NTRK2: variants seen among roughly 807,000 people sequenced by gnomAD.
The protein encoded by NTRK2 is BDNF/NT-3 growth factors receptor.
A neutral mutation model predicts 94.5 loss-of-function variants in NTRK2; 13 were observed. That is an observed-to-expected ratio of 0.14 (90% CI 0.09 to 0.22). The LOEUF is 0.22. NTRK2 is among the 10% of genes least tolerant of loss of function. The pLI, the probability that NTRK2 is intolerant of heterozygous loss-of-function variation, is 1.00. For missense variants in NTRK2, 639 were observed against 1,071.2 expected (o/e 0.60, Z 5.63); for synonymous variants, 372 against 407.4 (o/e 0.91, Z 1.05).
In NTRK2 at chr9:84,699,795, A is replaced by G. The variant is rs929769334; in HGVS notation, c.213-2364A>G. On this transcript the variant is annotated intron_variant, in intron 2 of 18. Transcript: ENST00000277120. ...TTTTTTTCCCACATAGTTTTGTGCA[A>G]TCCATTGACATCTCTACCCCTGTCT... Among the ~76,000 whole-genome samples the G allele has an allele frequency of 6.7e-4, 101 of 151,338 alleles. 1 individual carries two copies. The highest frequency in any genetic ancestry group is 2.4e-3 in the African/African-American group (99 of 41,080).
intron 17 of NTRK2, among the ~76,000 whole-genome samples, chr9:85,000,454 G>A (rs192505666): frequency 1.3e-4 from 19 of 151,994 alleles, no homozygotes; most frequent in East Asian, 7.7e-4. Flanking sequence ...TGTCTCCGTC[G>A]TTCTGGCTTT....
At chr9:84,820,690 G>A (rs35346634) in intron 12 of NTRK2, among the ~76,000 whole-genome samples, 1,922 of 152,146 alleles carry the variant, frequency 0.013, 31 homozygotes, top group Non-Finnish European at 0.022. Context: ...GTGTATAAGC[G>A]GACCTAAGCA....
chr9:84,940,911 C>T (rs183804953), intron 15 of NTRK2, among the ~76,000 whole-genome samples: 1 of 152,250 alleles, frequency 6.6e-6, no homozygotes, highest in African/African-American at 2.4e-5. Flanking sequence ...TCTCCCATTC[C>T]TCCCTCTTCC....
chr9:85,007,207 C>T (rs1177043121), intron 17 of NTRK2, among the ~76,000 whole-genome samples: 1 of 152,310 alleles, frequency 6.6e-6, no homozygotes. Flanking sequence ...TGCCTAAGAA[C>T]ATGGTATTTA....
intron 17 of NTRK2, among the ~76,000 whole-genome samples, chr9:85,010,861 G>A (rs1041740242): frequency 1.3e-5 from 2 of 152,126 alleles, no homozygotes; most frequent in East Asian, 1.9e-4. Context: ...CTAAAACTAG[G>A]GGTCTTTGGC....
At chr9:84,896,895 A>G (rs138272980) in intron 14 of NTRK2, among the ~76,000 whole-genome samples, 1 of 152,212 alleles carries the variant, frequency 6.6e-6, no homozygotes, top group African/African-American at 2.4e-5. Flanking sequence ...GCAGTAGCTG[A>G]GAGTTAGGAG....
chr9:84,943,972 A>C (rs937497614), intron 15 of NTRK2, among the ~76,000 whole-genome samples: 3 of 152,074 alleles, frequency 2.0e-5, no homozygotes, highest in Non-Finnish European at 2.9e-5. Flanking sequence ...AAGACCCAAC[A>C]TGCAAAAATG....
At chr9:84,853,139 C>T (rs1292934046) in intron 12 of NTRK2, among the ~76,000 whole-genome samples, 1 of 152,056 alleles carries the variant, frequency 6.6e-6, no homozygotes, top group African/African-American at 2.4e-5. Flanking sequence ...TCTCACATTC[C>T]CAAAATACCC....
In NTRK2 at chr9:84,670,523, T is replaced by G; in HGVS notation, c.-226T>G. ...GCTCCGAGCAGCGGTAGCGCCCCCC[T>G]GTAAAGCGGTTCGCTATGCCGGGGC... On this transcript the variant is annotated 5_prime_UTR_variant, in exon 2 of 19. Transcript: ENST00000277120. 3.7e-6 allele frequency: 2 copies of G among 539,048 alleles called. No homozygotes were observed. 33.4% of individuals were successfully genotyped at this position (539,048 alleles called of 1,614,324 possible). A position where few individuals can be genotyped will look rare whatever the true frequency, so the allele number is the denominator to read the frequency against.
rs1187325 is a variant in NTRK2, at chr9:84,670,680, C to T, written c.-69C>T. On this transcript the variant is annotated 5_prime_UTR_variant, in exon 2 of 19. Coordinates refer to ENST00000277120, the MANE Select transcript of NTRK2 (RefSeq NM_006180.6). ...GCCGCAAGCGCAGGGAAGGCCTCCCCGCACGGGTGGGGGAAAGCGGCCGGT... is the reference window on the plus strand; with the variant it reads ...GCCGCAAGCGCAGGGAAGGCCTCCCTGCACGGGTGGGGGAAAGCGGCCGGT... The T allele has an allele frequency of 3.9e-6, 6 of 1,534,768 alleles. No homozygotes were observed. Among genetic ancestry groups the T allele is most frequent in the Middle Eastern group, 2.3e-4 (1 of 4,364 alleles).
rs1029808812 is a variant in NTRK2 at position 84,867,449 on chromosome 9, T to C, written c.1633+18T>C. On this transcript the variant is annotated intron_variant, in intron 14 of 18. Coordinates refer to ENST00000277120, the MANE Select transcript of NTRK2 (RefSeq NM_006180.6). ...AGACACATGTAAGTACAGCTGTTTG[T>C]ACTTATTGTCCCATTTGCTGCATAG... is the stretch of plus-strand genomic sequence containing the variant. 1 of 1,604,552 alleles carries C rather than the reference T, an allele frequency of 6.2e-7. No individual in the cohort carries two copies. Among genetic ancestry groups the C allele is most frequent in the Non-Finnish European group, 8.5e-7 (1 of 1,171,280 alleles).
intron 9 of NTRK2, among the ~76,000 whole-genome samples, chr9:84,730,762 T>TA (rs2062809225): frequency 3.0e-4 from 2 of 6,638 alleles, no homozygotes; most frequent in Admixed American, 2.5e-3. Context: ...AAAAAAAAAC[T>TA]AAAGAAAAAT....
At chr9:84,910,416 C>G (rs1432880710) in intron 14 of NTRK2, among the ~76,000 whole-genome samples, 1 of 152,128 alleles carries the variant, frequency 6.6e-6, no homozygotes, top group Non-Finnish European at 1.5e-5. Flanking sequence ...AGATTTGTCA[C>G]TCCAATCTCT....
intron 13 of NTRK2, among the ~76,000 whole-genome samples, chr9:84,863,624 G>A (rs555446243): frequency 6.6e-6 from 1 of 152,322 alleles, no homozygotes; most frequent in South Asian, 2.1e-4. Flanking sequence ...CCCGCTGAGA[G>A]CTTCTTCTGC....
At chr9:84,883,318 G>A (rs2076320894) in intron 14 of NTRK2, among the ~76,000 whole-genome samples, 2 of 152,166 alleles carry the variant, frequency 1.3e-5, no homozygotes, top group Non-Finnish European at 2.9e-5. Flanking sequence ...TACCTTGGTT[G>A]CTGGTAAGTT....
chr9:84,875,595 A>T (rs1461341680), intron 14 of NTRK2: 6 of 1,061,876 alleles, frequency 5.7e-6, no homozygotes, highest in Non-Finnish European at 2.3e-6. Context: ...GGGCCAAACT[A>T]GTTACATCTC....
intron 12 of NTRK2, among the ~76,000 whole-genome samples, chr9:84,773,570 CTT>C (rs2066756933): frequency 6.6e-6 from 1 of 152,122 alleles, no homozygotes; most frequent in South Asian, 2.1e-4. Context: ...GTTCTCCTCT[CTT>C]TTCTCTCTCT....
At chr9:84,723,939 T>C (rs1242377284) in intron 7 of NTRK2, among the ~76,000 whole-genome samples, 1 of 152,230 alleles carries the variant, frequency 6.6e-6, no homozygotes, top group Non-Finnish European at 1.5e-5. Context: ...TCTATATCCC[T>C]AGTGAGCTCT....
At position 84,760,660 on chromosome 9, in the gene NTRK2, T is replaced by G. The variant is rs187852205; in HGVS notation, c.1396+8575T>G. Among the ~76,000 whole-genome samples, 373 of 152,344 alleles carry G rather than the reference T, an allele frequency of 2.4e-3. 4 individuals are homozygous for G. Among genetic ancestry groups the G allele is most frequent in the Non-Finnish European group, 3.2e-3 (218 of 68,024 alleles). On this transcript the variant is annotated intron_variant, in intron 12 of 18. Transcript: ENST00000277120. ...TCATCACTTTAAATTATTTTGGGGT[T>G]TATAAAAACTTGTTTCATTGATTGA...
Sources: gnomAD v4.1 joint callset for allele counts (sites outside exome capture counted in the v4.1 genomes callset) on GRCh38, gnomAD v4.1.1 for gene constraint, MANE v1.5 for transcripts, NCBI Gene and HGNC (gene_info 2026-07-23, HGNC 2026-07-21) for gene names.